CRLS1: variants seen among roughly 807,000 people sequenced by gnomAD.
CRLS1 encodes cardiolipin synthase (CMP-forming).
In CRLS1, 24 loss-of-function variants were observed where a neutral mutation model predicts 37.0. The ratio of observed to expected loss-of-function variants is 0.65; its 90% CI spans 0.47 to 0.91. The LOEUF (loss-of-function observed/expected upper bound fraction) is 0.91, where lower values mean the gene tolerates loss of function less well. Among genes scored for constraint, CRLS1 ranks in the 40% least tolerant of loss-of-function variants. The probability of loss-of-function intolerance (pLI) is 0.00; values close to 1 mark genes in which losing one functional copy is unlikely to be tolerated. For synonymous variants in CRLS1, 135 were observed against 159.7 expected, an observed-to-expected ratio of 0.85 and a Z score of 1.17; for missense variants, 373 against 395.8, an observed-to-expected ratio of 0.94 and a Z score of 0.49.
Position 6,006,152 on chromosome 20 carries a change from G to T in CRLS1, c.-95G>T. On this transcript the variant is annotated 5_prime_UTR_variant, in exon 1 of 7. Transcript: ENST00000378863. ...TGGAGGCAGCGGTAGCCCAGTGTCT[G>T]AGTGGTTGCCGGGTCTCCATGGAGA... 1 of 607,288 alleles carries T rather than the reference G, an allele frequency of 1.6e-6. No individual in the cohort carries two copies. The allele number at this position is 607,288 out of a possible 1,614,324, so 37.6% of individuals were successfully genotyped here.
At chr20:6,023,036 T>C (rs1244090379) in intron 3 of CRLS1, among the ~76,000 whole-genome samples, 3 of 152,222 alleles carry the variant, frequency 2.0e-5, no homozygotes, top group Non-Finnish European at 2.9e-5. Flanking sequence ...CAAATCTATT[T>C]AATCTTACTT....
intron 6 of CRLS1, among the ~76,000 whole-genome samples, chr20:6,036,454 A>G (rs1464328034): frequency 6.6e-6 from 1 of 152,200 alleles, no homozygotes; most frequent in Non-Finnish European, 1.5e-5. Context: ...ATGTCATTTC[A>G]AGGAGAATCC....
At chr20:6,023,013 T>A (rs944274369) in intron 3 of CRLS1, among the ~76,000 whole-genome samples, 6 of 152,196 alleles carry the variant, frequency 3.9e-5, no homozygotes, top group African/African-American at 1.4e-4. Flanking sequence ...ATTACCTGTC[T>A]CTGTAGCTGT....
intron 3 of CRLS1, among the ~76,000 whole-genome samples, chr20:6,019,336 A>G (rs1208487584): frequency 6.6e-6 from 1 of 152,116 alleles, no homozygotes; most frequent in African/African-American, 2.4e-5. Context: ...CTACATTATA[A>G]AAAATGTATC....
intron 2 of CRLS1, among the ~76,000 whole-genome samples, chr20:6,011,530 T>C (rs1016398899): frequency 3.3e-4 from 47 of 144,474 alleles, no homozygotes; most frequent in African/African-American, 1.2e-3. Context: ...TGTCACTACC[T>C]CTTCCCATTC....
rs940082543 is a variant in CRLS1, at chr20:6,015,562, G to A, written c.574+72G>A. Reference sequence around the variant, plus strand: ...CATTAGTCAGCTTAGGATTTCTCTTGAGAGACAAATAATTTTTGTTCCAAA... The same window carrying A: ...CATTAGTCAGCTTAGGATTTCTCTTAAGAGACAAATAATTTTTGTTCCAAA... On this transcript the variant is annotated intron_variant, in intron 3 of 6. Transcript: ENST00000378863. 23 of 1,430,568 alleles carry A rather than the reference G, an allele frequency of 1.6e-5. 1 individual carries two copies. The allele number at this position is 1,430,568 out of a possible 1,614,324, so 88.6% of individuals were successfully genotyped here.
intron 3 of CRLS1, among the ~76,000 whole-genome samples, chr20:6,027,441 A>C (rs1979805151): frequency 6.8e-6 from 1 of 147,992 alleles, no homozygotes; most frequent in South Asian, 2.2e-4. Context: ...AGGGTCTCAC[A>C]CTGTCACCCA....
intron 1 of CRLS1, chr20:6,007,212 C>G: frequency 1.4e-6 from 2 of 1,443,694 alleles, no homozygotes; most frequent in Non-Finnish European, 1.8e-6. Flanking sequence ...ATTACATCTT[C>G]AATTGTTATG....
At chr20:6,022,024 C>T (rs1979318968) in intron 3 of CRLS1, among the ~76,000 whole-genome samples, 1 of 152,132 alleles carries the variant, frequency 6.6e-6, no homozygotes, top group Non-Finnish European at 1.5e-5. Context: ...ATTGTTTATA[C>T]AATGTTCATT....
At chr20:6,020,100 A>G (rs868850320) in intron 3 of CRLS1, among the ~76,000 whole-genome samples, 7 of 152,258 alleles carry the variant, frequency 4.6e-5, no homozygotes, top group South Asian at 4.1e-4. Flanking sequence ...GTAATCCACT[A>G]TATCAAAAAT....
At chr20:6,034,092 C>T (rs940882812) in intron 5 of CRLS1, among the ~76,000 whole-genome samples, 4 of 152,192 alleles carry the variant, frequency 2.6e-5, no homozygotes, top group Non-Finnish European at 5.9e-5. Context: ...AACTCATTAC[C>T]CTTTTACCCA....
chr20:6,021,387 T>C (rs1348918824), intron 3 of CRLS1, among the ~76,000 whole-genome samples: 4 of 152,146 alleles, frequency 2.6e-5, no homozygotes, highest in African/African-American at 9.7e-5. Context: ...GTCTTGAAGT[T>C]ATGCTGTTAA....
At position 6,039,473 on chromosome 20, in the gene CRLS1, A is replaced by C. The variant is rs904376551; in HGVS notation, c.*2315A>C. On this transcript the variant is annotated 3_prime_UTR_variant, in exon 7 of 7. Coordinates refer to ENST00000378863, the MANE Select transcript of CRLS1 (RefSeq NM_019095.6). ...CTCTTTCAAAACTTCAGACACCTAGAAATATATATAGTGCAGTTCAGTTTT... is the reference window on the plus strand; with the variant it reads ...CTCTTTCAAAACTTCAGACACCTAGCAATATATATAGTGCAGTTCAGTTTT... 6.6e-6 allele frequency: 1 copy of C among 152,156 alleles called. No individual in the cohort carries two copies. The highest frequency in any genetic ancestry group is 1.5e-5 in the Non-Finnish European group (1 of 68,036). The allele number at this position is 152,156 out of a possible 1,614,324, so 9.4% of individuals were successfully genotyped here. A position where few individuals can be genotyped will look rare whatever the true frequency, so the allele number is the denominator to read the frequency against.
chr20:6,009,664 T>C (rs2090106249), intron 1 of CRLS1, 111 bp from the exon 2 acceptor site: 1 of 802,464 alleles, frequency 1.2e-6, no homozygotes, highest in South Asian at 2.3e-5. Flanking sequence ...TTAAAGTTTA[T>C]GTAGCTTCTG....
At chr20:6,023,111 ATGGTTTTT>A (rs1979405742) in intron 3 of CRLS1, among the ~76,000 whole-genome samples, 1 of 151,982 alleles carries the variant, frequency 6.6e-6, no homozygotes, top group Non-Finnish European at 1.5e-5. Context: ...GTTGTCTTTT[ATGGTTTTT>A]AGTTCCATGC....
rs1253638452 is a variant in CRLS1 at position 6,037,573 on chromosome 20, G to A, written c.*415G>A. ...TCAAATATATATCCTACACAACTGG[G>A]CAATACATTTTTGTTTGATTTTTAG... On this transcript the variant is annotated 3_prime_UTR_variant, in exon 7 of 7. Transcript: ENST00000378863. The A allele has an allele frequency of 6.5e-6, 1 of 153,434 alleles. No individual in the cohort carries two copies. The highest frequency in any genetic ancestry group is 2.4e-5 in the African/African-American group (1 of 41,436). The allele number at this position is 153,434 out of a possible 1,614,324, so 9.5% of individuals were successfully genotyped here.
chr20:6,012,142 T>G (rs939461797), intron 2 of CRLS1, among the ~76,000 whole-genome samples: 5 of 152,180 alleles, frequency 3.3e-5, no homozygotes, highest in African/African-American at 1.2e-4. Context: ...GAAACCTAAG[T>G]TAACTGGTGC....
rs1405001250 is a variant in CRLS1 at position 6,037,056 on chromosome 20, T to C, written c.822-18T>C. On this transcript the variant is annotated intron_variant, in intron 6 of 6. Transcript: ENST00000378863. Reference sequence around the variant, plus strand: ...TTAGACTTGACAACTACATTTTATTTCTTTTCTTCCATAAAAGGTGTTTTA... The same window carrying C: ...TTAGACTTGACAACTACATTTTATTCCTTTTCTTCCATAAAAGGTGTTTTA... 3 of 1,582,974 alleles carry C rather than the reference T, an allele frequency of 1.9e-6. No individual in the cohort carries two copies. Among genetic ancestry groups the C allele is most frequent in the Admixed American group, 3.4e-5 (2 of 59,504 alleles).
At chr20:6,033,806 A>T (rs1310940377) in intron 5 of CRLS1, among the ~76,000 whole-genome samples, 1 of 152,116 alleles carries the variant, frequency 6.6e-6, no homozygotes, top group African/African-American at 2.4e-5. Flanking sequence ...CAGCCCCCCA[A>T]GTAGCTGAGA....
Sources: allele counts gnomAD v4.1 joint callset (sites outside exome capture counted in the v4.1 genomes callset), GRCh38; gene constraint gnomAD v4.1.1; transcripts MANE v1.5; gene names NCBI Gene and HGNC (gene_info 2026-07-23, HGNC 2026-07-21).